The following CSTF3 variants were observed in gnomAD, a reference collection of about 807,000 sequenced individuals.
CSTF3 encodes the protein cleavage stimulation factor subunit 3, also known as CF-1 77 kDa subunit.
In CSTF3, 29 loss-of-function variants were observed where a neutral mutation model predicts 105.8. That is an observed-to-expected ratio of 0.27 (90% CI 0.20 to 0.37). CSTF3 has a LOEUF of 0.37. Ranked by LOEUF, CSTF3 falls within the 10% of genes least tolerant of loss-of-function variation. The pLI is 1.00. For missense variants in CSTF3, 357 were observed against 879.3 expected (o/e 0.41, Z 7.51); for synonymous variants, 252 against 281.9 (o/e 0.89, Z 1.06).
chr11:33,112,249 T>C (rs1590270149), intron 3 of CSTF3, among the ~76,000 whole-genome samples: 1 of 150,852 alleles, frequency 6.6e-6, no homozygotes, highest in Admixed American at 6.6e-5. Context: ...AGCGAAACTC[T>C]GTGTGGAAAA....
At chr11:33,095,199 CTATTCATTTATTTT>C (rs113811218) in intron 15 of CSTF3, among the ~76,000 whole-genome samples, 2 of 152,118 alleles carry the variant, frequency 1.3e-5, no homozygotes, top group African/African-American at 4.8e-5. Context: ...CACGCCCGGC[CTATTCATTTATTTT>C]TAAATGTTTT....
intron 1 of CSTF3, among the ~76,000 whole-genome samples, chr11:33,157,303 C>T (rs530766201): frequency 6.6e-6 from 1 of 152,024 alleles, no homozygotes; most frequent in African/African-American, 2.4e-5. Flanking sequence ...TGCAGTGAGC[C>T]GAGACCGTGC....
intron 1 of CSTF3, among the ~76,000 whole-genome samples, chr11:33,155,127 C>T (rs185207900): frequency 1.3e-5 from 2 of 151,886 alleles, no homozygotes; most frequent in Admixed American, 6.5e-5. Context: ...AAGGCCAAGG[C>T]GGGCGGATCA....
At chr11:33,096,812 T>A (rs201188605) in intron 14 of CSTF3, 23 bp downstream of exon 14, 1 of 1,589,862 alleles carries the variant, frequency 6.3e-7, no homozygotes, top group East Asian at 2.3e-5. Context: ...GTTTTATCTT[T>A]ACACTTGTAT....
At chr11:33,104,569 C>G (rs1012042650) in intron 8 of CSTF3, among the ~76,000 whole-genome samples, 1 of 152,088 alleles carries the variant, frequency 6.6e-6, no homozygotes. Context: ...CTCAGGAGTT[C>G]AAGGCCAGCC....
chr11:33,150,161 G>GC (rs1394443468), intron 1 of CSTF3, among the ~76,000 whole-genome samples: 8 of 147,720 alleles, frequency 5.4e-5, no homozygotes, highest in Non-Finnish European at 1.2e-4. Context: ...GTTGCAGTGA[G>GC]CCAAGATCAT....
chr11:33,118,862 C>T (rs1855459734), intron 3 of CSTF3, among the ~76,000 whole-genome samples: 2 of 151,794 alleles, frequency 1.3e-5, no homozygotes, highest in South Asian at 4.1e-4. Context: ...TGCACATCAA[C>T]TTATAGTCTT....
In CSTF3 at chr11:33,108,398, G is replaced by A. The variant is rs746654289; in HGVS notation, c.246C>T (p.Asp82=). The change falls in exon 4 of 21, where the codon GAC becomes GAT. Residue 82 remains aspartate (D), a synonymous_variant. Transcript: ENST00000323959. ...TTTGAGGACTCACCTTTTCAACCTT[G>A]TCATAATTTTTAGCTTTAATCTGAA... The part of the protein sequence containing the change: ...IEAEIKAKNY[D]KVEKLFQRCL... 1 of 1,488,104 alleles carries A rather than the reference G, an allele frequency of 6.7e-7. No homozygotes were observed. The highest frequency in any genetic ancestry group is 2.2e-5 in the Admixed American group (1 of 45,692). The allele number at this position is 1,488,104 out of a possible 1,614,324, so 92.2% of individuals were successfully genotyped here.
intron 3 of CSTF3, among the ~76,000 whole-genome samples, chr11:33,139,756 T>C (rs1855690526): frequency 6.6e-6 from 1 of 151,930 alleles, no homozygotes. Flanking sequence ...GTGTGTATGT[T>C]TGTGTGTGTG....
At chr11:33,142,149 T>C (rs1289723680) in intron 1 of CSTF3, among the ~76,000 whole-genome samples, 163 bp from the exon 2 acceptor site, 4 of 152,112 alleles carry the variant, frequency 2.6e-5, no homozygotes, top group African/African-American at 9.7e-5. Context: ...ATGTGTACAA[T>C]CGTCCTTCCT....
At chr11:33,120,408 A>C (rs1289069369) in intron 3 of CSTF3, among the ~76,000 whole-genome samples, 1 of 151,836 alleles carries the variant, frequency 6.6e-6, no homozygotes, top group African/African-American at 2.4e-5. Context: ...AAACACATAT[A>C]TTACCCTTTT....
At chr11:33,109,305 G>C (rs141807513) in intron 3 of CSTF3, among the ~76,000 whole-genome samples, 26 of 152,320 alleles carry the variant, frequency 1.7e-4, no homozygotes, top group Middle Eastern at 3.4e-3. Context: ...GATTAGAGAA[G>C]TTTTGGTCCT....
intron 4 of CSTF3, 22 bp downstream of exon 4, chr11:33,108,364 T>A: frequency 6.9e-7 from 1 of 1,456,694 alleles, no homozygotes; most frequent in Non-Finnish European, 9.2e-7. Context: ...CAATATAAAA[T>A]TCAAAGTATT....
At chr11:33,148,858 G>GT (rs1258757573) in intron 1 of CSTF3, among the ~76,000 whole-genome samples, 5 of 106,970 alleles carry the variant, frequency 4.7e-5, no homozygotes, top group Admixed American at 3.1e-4. Context: ...TACTGTTGCT[G>GT]TGTTTTTTTT....
intron 3 of CSTF3, among the ~76,000 whole-genome samples, chr11:33,125,225 C>T (rs566507306): frequency 6.6e-6 from 1 of 152,292 alleles, no homozygotes; most frequent in Admixed American, 6.5e-5. Flanking sequence ...TTCTGGATGC[C>T]TTCAGTTCTC....
At chr11:33,134,240 C>CA (rs2133794421) in intron 3 of CSTF3, among the ~76,000 whole-genome samples, 1 of 152,290 alleles carries the variant, frequency 6.6e-6, no homozygotes, top group East Asian at 1.9e-4. Flanking sequence ...AAATAACTGT[C>CA]AGTTTGTAAA....
At chr11:33,119,700 C>T (rs1482722672) in intron 3 of CSTF3, among the ~76,000 whole-genome samples, 1 of 151,816 alleles carries the variant, frequency 6.6e-6, no homozygotes, top group Non-Finnish European at 1.5e-5. Flanking sequence ...TTTAACTTTA[C>T]ATCAGAAATT....
At chr11:33,105,088 G>A (rs1255574975) in intron 8 of CSTF3, among the ~76,000 whole-genome samples, 1 of 152,086 alleles carries the variant, frequency 6.6e-6, no homozygotes. Flanking sequence ...TTTGGCATGT[G>A]TATTTATGTA....
chr11:33,102,397 G>A (rs1017521954), intron 9 of CSTF3, 58 bp from the exon 10 acceptor site: 63 of 1,540,186 alleles, frequency 4.1e-5, no homozygotes, highest in African/African-American at 2.9e-4. Context: ...GATATATGGC[G>A]GATGGGGTAG....
Sources: allele counts gnomAD v4.1 joint callset (sites outside exome capture counted in the v4.1 genomes callset), GRCh38; gene constraint gnomAD v4.1.1; transcripts MANE v1.5; gene names NCBI Gene and HGNC (gene_info 2026-07-23, HGNC 2026-07-21).